Variants in NOX4 observed in about 807,000 individuals in gnomAD.
NOX4 encodes the protein NADPH oxidase 4, also known as kidney oxidase-1.
NOX4 carries 69 observed loss-of-function variants against 87.6 expected under a neutral mutation model. That is an observed-to-expected ratio of 0.79 (90% CI 0.65 to 0.96). NOX4 has a LOEUF of 0.96. NOX4 is among the 40% of genes least tolerant of loss of function. The pLI is 0.00. For synonymous variants in NOX4, 275 were observed against 238.2 expected (o/e 1.15, Z -1.42); for missense variants, 680 against 681.5 (o/e 1.00, Z 0.02).
chr11:89,566,043 C>CTT, the NOX4 span, among the ~76,000 whole-genome samples: 17 of 122,854 alleles, frequency 1.4e-4, no homozygotes, highest in South Asian at 2.5e-4. Flanking sequence ...TTCTTTTTTT[C>CTT]TTTTTTTTTT....
At chr11:89,347,407 A>G (rs1946264106) in intron 13 of NOX4, among the ~76,000 whole-genome samples, 1 of 152,226 alleles carries the variant, frequency 6.6e-6, no homozygotes, top group Admixed American at 6.5e-5. Flanking sequence ...GACAACGAGA[A>G]TGGTGATGAG....
chr11:89,477,495 G>A (rs1946214090), intron 2 of NOX4, among the ~76,000 whole-genome samples: 1 of 152,116 alleles, frequency 6.6e-6, no homozygotes, highest in Non-Finnish European at 1.5e-5. Context: ...GTCTCTGTCT[G>A]TGGCTTGGGG....
intron 2 of NOX4, among the ~76,000 whole-genome samples, chr11:89,486,569 CAT>C (rs1196921823): frequency 1.0e-3 from 124 of 120,590 alleles, no homozygotes; most frequent in Admixed American, 2.1e-3. Context: ...TGTATATATA[CAT>C]ATATATGTGT....
chr11:89,475,899 A>C (rs1055354846), intron 2 of NOX4, among the ~76,000 whole-genome samples: 1 of 152,106 alleles, frequency 6.6e-6, no homozygotes, highest in Non-Finnish European at 1.5e-5. Flanking sequence ...TCATATTTCC[A>C]TACTATATTT....
At chr11:89,335,323 T>C (rs1945654624) in intron 17 of NOX4, among the ~76,000 whole-genome samples, 1 of 151,770 alleles carries the variant, frequency 6.6e-6, no homozygotes, top group African/African-American at 2.4e-5. Flanking sequence ...CAAGATTCTT[T>C]ATAAAATTAT....
upstream of NOX4, among the ~76,000 whole-genome samples, chr11:89,492,902 C>G (rs933217472): frequency 6.6e-6 from 1 of 152,118 alleles, no homozygotes; most frequent in African/African-American, 2.4e-5. Flanking sequence ...AAATAAGAGA[C>G]CATTTTTAAA....
At chr11:89,536,339 G>T in the NOX4 span, among the ~76,000 whole-genome samples, 1 of 151,606 alleles carries the variant, frequency 6.6e-6, no homozygotes, top group African/African-American at 2.4e-5. Flanking sequence ...GCAGAGATGG[G>T]GTTTCACCAT....
At chr11:89,560,619 T>C in the NOX4 span, among the ~76,000 whole-genome samples, 1 of 152,006 alleles carries the variant, frequency 6.6e-6, no homozygotes, top group Non-Finnish European at 1.5e-5. Context: ...TCAATGTGTG[T>C]GGTTAACATC....
At position 89,470,575 on chromosome 11, in the gene NOX4, G is replaced by A. The variant is rs147107832; in HGVS notation, c.154-18680C>T. Among the ~76,000 whole-genome samples the A allele has an allele frequency of 3.9e-5, 6 of 152,162 alleles. No homozygotes were observed. In the East Asian group the frequency reaches 1.2e-3, roughly 29 times the overall value. ...ATACACTTTCCATCCTCTTGCTCAGGCTCAGCAGCTCTGCCTCCACCCTCC... is the reference window on the plus strand; with the variant it reads ...ATACACTTTCCATCCTCTTGCTCAGACTCAGCAGCTCTGCCTCCACCCTCC... On this transcript the variant is annotated intron_variant, in intron 2 of 17. Coordinates refer to ENST00000263317, the MANE Select transcript of NOX4 (RefSeq NM_016931.5).
chr11:89,358,958 G>A (rs763512441), intron 12 of NOX4, among the ~76,000 whole-genome samples: 22 of 151,598 alleles, frequency 1.5e-4, no homozygotes, highest in Non-Finnish European at 2.6e-4. Flanking sequence ...GATTTTCTGC[G>A]AAGTGATACC....
chr11:89,582,605 A>T, the NOX4 span, among the ~76,000 whole-genome samples: 2 of 152,120 alleles, frequency 1.3e-5, no homozygotes, highest in Non-Finnish European at 2.9e-5. Context: ...CTGGATATTT[A>T]GATTGTTTCT....
At chr11:89,565,315 G>T in the NOX4 span, among the ~76,000 whole-genome samples, 1 of 151,676 alleles carries the variant, frequency 6.6e-6, no homozygotes, top group Non-Finnish European at 1.5e-5. Flanking sequence ...TTTACCACTG[G>T]TTTATACATA....
the NOX4 span, among the ~76,000 whole-genome samples, chr11:89,580,126 G>A: frequency 1.3e-5 from 2 of 152,092 alleles, no homozygotes; most frequent in South Asian, 2.1e-4. Context: ...TGTATTAAGA[G>A]TGAGATGAAA....
intron 13 of NOX4, among the ~76,000 whole-genome samples, chr11:89,342,841 G>C (rs1946063758): frequency 6.6e-6 from 1 of 152,172 alleles, no homozygotes; most frequent in Non-Finnish European, 1.5e-5. Flanking sequence ...GAGAGAGAGA[G>C]AGAGCATAGA....
chr11:89,477,231 G>T (rs749396663), intron 2 of NOX4, among the ~76,000 whole-genome samples: 1 of 152,122 alleles, frequency 6.6e-6, no homozygotes, highest in African/African-American at 2.4e-5. Context: ...TATCTGGGGG[G>T]TGACAGGAGA....
intron 2 of NOX4, among the ~76,000 whole-genome samples, chr11:89,476,202 C>G (rs1367585229): frequency 6.6e-6 from 1 of 151,968 alleles, no homozygotes; most frequent in Non-Finnish European, 1.5e-5. Flanking sequence ...CTATTTGCAC[C>G]TATCCTTTTA....
intron 11 of NOX4, among the ~76,000 whole-genome samples, chr11:89,397,169 C>A (rs1157780195): frequency 6.6e-6 from 1 of 152,160 alleles, no homozygotes; most frequent in Non-Finnish European, 1.5e-5. Flanking sequence ...GAAACTCACT[C>A]AAAACTGCTC....
the NOX4 span, among the ~76,000 whole-genome samples, chr11:89,522,336 A>G: frequency 6.6e-6 from 1 of 152,210 alleles, no homozygotes; most frequent in African/African-American, 2.4e-5. Flanking sequence ...GCAGCCATAA[A>G]AAGAAATTAT....
At chr11:89,461,281 A>C (rs901589052) in intron 2 of NOX4, among the ~76,000 whole-genome samples, 2 of 152,096 alleles carry the variant, frequency 1.3e-5, no homozygotes, top group African/African-American at 4.8e-5. Flanking sequence ...CACGTTGTGT[A>C]CATGTACCCT....
Sources: gnomAD v4.1 joint callset for allele counts (sites outside exome capture counted in the v4.1 genomes callset) on GRCh38, gnomAD v4.1.1 for gene constraint, MANE v1.5 for transcripts, NCBI Gene and HGNC (gene_info 2026-07-23, HGNC 2026-07-21) for gene names.